Variants in HORMAD2 observed in about 807,000 individuals in gnomAD.
HORMAD2 encodes HORMA domain containing 2.
HORMAD2 carries 45 observed loss-of-function variants against 38.8 expected under a neutral mutation model. The ratio of observed to expected loss-of-function variants is 1.16; its 90% confidence interval spans 0.91 to 1.49. The LOEUF (loss-of-function observed/expected upper bound fraction) is 1.49. Among genes scored for constraint, HORMAD2 ranks in the 40% most tolerant of loss-of-function variants. The pLI is 0.00. For synonymous variants in HORMAD2, 126 were observed against 122.8 expected, an observed-to-expected ratio of 1.03 and a Z score of -0.17; for missense variants, 338 against 367.0, an observed-to-expected ratio of 0.92 and a Z score of 0.65.
chr22:30,191,094 C>T, the HORMAD2 span, among the ~76,000 whole-genome samples: 1 of 152,060 alleles, frequency 6.6e-6, no homozygotes, highest in Non-Finnish European at 1.5e-5. Context: ...TTTTTCTTTC[C>T]CTGCTCTGAG....
chr22:30,107,030 C>T (rs994543088), intron 5 of HORMAD2, among the ~76,000 whole-genome samples: 1 of 152,158 alleles, frequency 6.6e-6, no homozygotes, highest in African/African-American at 2.4e-5. Flanking sequence ...TAGAACAATG[C>T]CTGGCACATA....
chr22:30,120,292 C>A (rs1922341773), intron 8 of HORMAD2, among the ~76,000 whole-genome samples: 1 of 152,196 alleles, frequency 6.6e-6, no homozygotes, highest in East Asian at 1.9e-4. Context: ...TATAGCCCTT[C>A]ATTCTGGTTA....
rs1922436690 is a variant in HORMAD2, at chr22:30,121,620, T to A, written c.411-12T>A. On this transcript the variant is annotated splice_polypyrimidine_tract_variant and intron_variant, in intron 8 of 10. Transcript: ENST00000336726. Reference sequence around the variant, plus strand: ...GTATATGATCAAAAAGTATGCTTTTTTTTCTGTGTAGTCATAGCAGCAGTA... The same window carrying A: ...GTATATGATCAAAAAGTATGCTTTTATTTCTGTGTAGTCATAGCAGCAGTA... 2 of 1,558,572 alleles carry A rather than the reference T, an allele frequency of 1.3e-6. No homozygotes were observed. The highest frequency in any genetic ancestry group is 1.7e-6 in the Non-Finnish European group (2 of 1,154,192).
downstream of HORMAD2, among the ~76,000 whole-genome samples, chr22:30,180,747 G>C (rs1040316834): frequency 4.6e-5 from 7 of 151,762 alleles, no homozygotes; most frequent in African/African-American, 7.3e-5. Context: ...AGGAACTTAG[G>C]ATTCCTTCTT....
intron 1 of HORMAD2, among the ~76,000 whole-genome samples, chr22:30,086,796 T>C (rs1278044538): frequency 3.3e-5 from 5 of 152,020 alleles, no homozygotes; most frequent in Non-Finnish European, 7.4e-5. Context: ...TATATATATA[T>C]ATATGTATGT....
chr22:30,145,599 A>G (rs1924364792), intron 10 of HORMAD2, among the ~76,000 whole-genome samples: 1 of 152,218 alleles, frequency 6.6e-6, no homozygotes, highest in African/African-American at 2.4e-5. Flanking sequence ...GAAGCTATAA[A>G]AAAATAGGTC....
chr22:30,144,612 G>A (rs1345844323), intron 10 of HORMAD2, among the ~76,000 whole-genome samples: 2 of 152,074 alleles, frequency 1.3e-5, no homozygotes, highest in Non-Finnish European at 2.9e-5. Context: ...GCAGCTTTAG[G>A]AGCTGATGGC....
the HORMAD2 span, among the ~76,000 whole-genome samples, chr22:30,189,184 T>A: frequency 6.6e-6 from 1 of 152,166 alleles, no homozygotes; most frequent in Non-Finnish European, 1.5e-5. Flanking sequence ...GAAAACTAGT[T>A]CTAATTCTTT....
intron 10 of HORMAD2, among the ~76,000 whole-genome samples, chr22:30,159,715 T>C (rs1290728056): frequency 6.6e-6 from 1 of 152,216 alleles, no homozygotes; most frequent in Non-Finnish European, 1.5e-5. Flanking sequence ...CAGCCCTGAT[T>C]TTAAGTAAAT....
chr22:30,141,490 A>T (rs953890646), intron 10 of HORMAD2, among the ~76,000 whole-genome samples: 1 of 152,028 alleles, frequency 6.6e-6, no homozygotes, highest in African/African-American at 2.4e-5. Flanking sequence ...ACTGTACTCA[A>T]TTTGTAGTCT....
At chr22:30,125,340 C>T (rs533290979) in intron 10 of HORMAD2, among the ~76,000 whole-genome samples, 12 of 149,972 alleles carry the variant, frequency 8.0e-5, no homozygotes, top group East Asian at 7.9e-4. Context: ...GTGATTCTCC[C>T]GCCTCAGCCT....
chr22:30,104,565 ATTTCT>A, intron 5 of HORMAD2, 128 bp downstream of exon 5: 1 of 660,294 alleles, frequency 1.5e-6, no homozygotes, highest in Non-Finnish European at 2.5e-6. Flanking sequence ...CCATAAACTA[ATTTCT>A]TATCTTATGT....
intron 10 of HORMAD2, among the ~76,000 whole-genome samples, chr22:30,147,110 C>A (rs2146192414): frequency 6.6e-6 from 1 of 152,184 alleles, no homozygotes; most frequent in Admixed American, 6.5e-5. Context: ...GTTAATTTTC[C>A]CCAAATTGAT....
chr22:30,194,902 C>T, the HORMAD2 span, among the ~76,000 whole-genome samples: 4 of 152,180 alleles, frequency 2.6e-5, no homozygotes, highest in East Asian at 7.7e-4. Flanking sequence ...TTAAAGAAAA[C>T]CAAGAGTGGG....
At chr22:30,170,361 G>A (rs904334535) in intron 10 of HORMAD2, among the ~76,000 whole-genome samples, 1 of 152,168 alleles carries the variant, frequency 6.6e-6, no homozygotes, top group African/African-American at 2.4e-5. Flanking sequence ...TGCAAAACAA[G>A]TACCGTGCCC....
chr22:30,079,093 C>T (rs528879056), upstream of HORMAD2, among the ~76,000 whole-genome samples: 4 of 152,230 alleles, frequency 2.6e-5, no homozygotes, highest in East Asian at 5.8e-4. Flanking sequence ...ATGTTCTAAA[C>T]TCATGTTCTC....
chr22:30,112,236 T>C (rs1175092496), intron 6 of HORMAD2, among the ~76,000 whole-genome samples: 1 of 152,106 alleles, frequency 6.6e-6, no homozygotes, highest in Non-Finnish European at 1.5e-5. Context: ...TTTTAAACCA[T>C]AATGGATTAT....
intron 10 of HORMAD2, among the ~76,000 whole-genome samples, chr22:30,147,554 T>G (rs2146193168): frequency 6.6e-6 from 1 of 152,188 alleles, no homozygotes. Context: ...AGGAAAAACT[T>G]CTTAGGCGGT....
intron 7 of HORMAD2, among the ~76,000 whole-genome samples, chr22:30,118,004 C>T (rs1281107392): frequency 1.3e-5 from 2 of 152,060 alleles, no homozygotes; most frequent in Non-Finnish European, 2.9e-5. Context: ...TTTCCTATTG[C>T]CATTATAGTC....
Sources: gnomAD v4.1 joint callset for allele counts (sites outside exome capture counted in the v4.1 genomes callset) on GRCh38, gnomAD v4.1.1 for gene constraint, MANE v1.5 for transcripts, NCBI Gene and HGNC (gene_info 2026-07-23, HGNC 2026-07-21) for gene names.